The following RAPGEF5 variants were observed in gnomAD, a reference collection of about 807,000 sequenced individuals.
The protein encoded by RAPGEF5 is Rap guanine nucleotide exchange factor 5.
A neutral mutation model predicts 125.2 loss-of-function variants in RAPGEF5; 65 were observed. The ratio of observed to expected loss-of-function variants is 0.52; its 90% CI spans 0.43 to 0.64. RAPGEF5 has a LOEUF of 0.64. Ranked by LOEUF, RAPGEF5 falls within the 30% of genes least tolerant of loss-of-function variation. The pLI is 0.00. For synonymous variants in RAPGEF5, 391 were observed against 385.9 expected, an observed-to-expected ratio of 1.01 and a Z score of -0.16; for missense variants, 958 against 1,048.1, an observed-to-expected ratio of 0.91 and a Z score of 1.19.
chr7:22,354,588 C>T (rs1489446227), intron 1 of RAPGEF5, among the ~76,000 whole-genome samples: 2 of 152,102 alleles, frequency 1.3e-5, no homozygotes, highest in African/African-American at 2.4e-5. Context: ...TATGTTGAAG[C>T]CCTAACCCCA....
chr7:22,319,827 A>T (rs1234424727), intron 1 of RAPGEF5, among the ~76,000 whole-genome samples: 1 of 152,114 alleles, frequency 6.6e-6, no homozygotes, highest in African/African-American at 2.4e-5. Context: ...AGTTAAAGAA[A>T]AAGCTTTTAA....
At chr7:22,159,906 C>T (rs556160904) in intron 14 of RAPGEF5, among the ~76,000 whole-genome samples, 38 of 152,198 alleles carry the variant, frequency 2.5e-4, no homozygotes, top group African/African-American at 8.4e-4. Context: ...GTTGGGAGTT[C>T]AAGACCAGCC....
rs565996459 is a variant in RAPGEF5 at position 22,355,765 on chromosome 7, AG to A, written c.231+1064del. Among the ~76,000 whole-genome samples the A allele has an allele frequency of 8.5e-5, 13 of 152,286 alleles. No individual in the cohort carries two copies. In the East Asian group the frequency reaches 2.5e-3, roughly 29 times the overall value. ...GTTCAGACCCTTCCCTACCCAAAGG[AG>A]GGCGCATGAAAACAAGTGGTTATCC... On this transcript the variant is annotated intron_variant, in intron 1 of 25. Transcript: ENST00000665637.
chr7:22,122,619 A>G, intron 25 of RAPGEF5, 98 bp from the exon 26 acceptor site: 1 of 845,550 alleles, frequency 1.2e-6, no homozygotes, highest in East Asian at 2.6e-5. Flanking sequence ...TAAATGTACT[A>G]GGTGGGTTCT....
chr7:22,165,393 T>C (rs369387644), intron 12 of RAPGEF5, among the ~76,000 whole-genome samples: 11 of 152,228 alleles, frequency 7.2e-5, no homozygotes, highest in African/African-American at 2.7e-4. Context: ...TTTAGAAATA[T>C]GTTAGCATTA....
At chr7:22,312,846 T>C (rs1161351262) in intron 3 of RAPGEF5, among the ~76,000 whole-genome samples, 1 of 152,158 alleles carries the variant, frequency 6.6e-6, no homozygotes, top group Non-Finnish European at 1.5e-5. Flanking sequence ...GCATACAAAA[T>C]GAGGTGGTGT....
intron 7 of RAPGEF5, among the ~76,000 whole-genome samples, chr7:22,246,822 C>T (rs1786489384): frequency 6.6e-6 from 1 of 152,124 alleles, no homozygotes; most frequent in Non-Finnish European, 1.5e-5. Flanking sequence ...TATTTGCAAA[C>T]AGTGCATCTG....
In RAPGEF5 at chr7:22,198,448, A is replaced by G. The variant is rs1038185762; in HGVS notation, c.997-4415T>C. On this transcript the variant is annotated intron_variant, in intron 9 of 25. Transcript: ENST00000665637. Reference sequence around the variant, plus strand: ...ACATCAGATCAGAAGACCTGCTTTAATTCAGGGTCTTAGCTTGAGAGTAGC... The same window carrying G: ...ACATCAGATCAGAAGACCTGCTTTAGTTCAGGGTCTTAGCTTGAGAGTAGC... Among the ~76,000 whole-genome samples, 14 of 152,342 alleles carry G rather than the reference A, an allele frequency of 9.2e-5. No homozygotes were observed. In the South Asian group the frequency reaches 1.7e-3, roughly 18 times the overall value.
At chr7:22,134,968 T>A (rs1205556318) in intron 23 of RAPGEF5, among the ~76,000 whole-genome samples, 1 of 152,226 alleles carries the variant, frequency 6.6e-6, no homozygotes, top group Admixed American at 6.5e-5. Flanking sequence ...TTGCTTCATA[T>A]TTGATGAAGG....
intron 11 of RAPGEF5, among the ~76,000 whole-genome samples, chr7:22,190,438 CATT>C (rs1562751695): frequency 6.6e-6 from 1 of 152,170 alleles, no homozygotes; most frequent in East Asian, 1.9e-4. Context: ...TTAAGAAAAT[CATT>C]AGTAGGTTGC....
chr7:22,162,657 G>A (rs1285526105), intron 12 of RAPGEF5, 116 bp from the exon 13 acceptor site: 2 of 1,032,820 alleles, frequency 1.9e-6, no homozygotes, highest in Admixed American at 2.3e-5. Context: ...CATGCAGGAA[G>A]AATAGAATAT....
intron 11 of RAPGEF5, among the ~76,000 whole-genome samples, chr7:22,190,339 C>T (rs1202476524): frequency 3.3e-5 from 5 of 152,168 alleles, no homozygotes; most frequent in Admixed American, 2.6e-4. Context: ...TGGATGACTT[C>T]TTGCGCCTTT....
At chr7:22,147,497 AC>A (rs769526078) in intron 18 of RAPGEF5, among the ~76,000 whole-genome samples, 10 of 152,274 alleles carry the variant, frequency 6.6e-5, no homozygotes, top group Non-Finnish European at 1.5e-4. Context: ...ACACATTTAC[AC>A]ATTTTATTAA....
intron 9 of RAPGEF5, among the ~76,000 whole-genome samples, chr7:22,210,661 T>A (rs1785488972): frequency 6.6e-6 from 1 of 152,180 alleles, no homozygotes; most frequent in Non-Finnish European, 1.5e-5. Context: ...TCACTTTGCC[T>A]CAGTCGTGCC....
chr7:22,316,438 CACACGTGTAT>C (rs1783592987), intron 2 of RAPGEF5, among the ~76,000 whole-genome samples: 1 of 142,748 alleles, frequency 7.0e-6, no homozygotes, highest in Non-Finnish European at 1.5e-5. Context: ...TATACATATA[CACACGTGTAT>C]GTATACATAG....
intron 11 of RAPGEF5, among the ~76,000 whole-genome samples, chr7:22,183,885 A>G (rs191647624): frequency 1.3e-5 from 2 of 152,354 alleles, no homozygotes; most frequent in African/African-American, 4.8e-5. Context: ...CAAGTTTTCC[A>G]TAATTCTTAT....
chr7:22,197,892 T>TTGGGG lies in RAPGEF5; in HGVS notation c.997-3864_997-3860dup, dbSNP rs1554327427. 6.2e-4 allele frequency among the ~76,000 whole-genome samples: 11 copies of TTGGGG among 17,758 alleles called. No homozygotes were observed. In the East Asian group the frequency reaches 0.034, roughly 56 times the overall value. The allele number at this position is 17,758 out of a possible 152,430, so 11.6% of individuals were successfully genotyped here. On this transcript the variant is annotated intron_variant, in intron 9 of 25. Coordinates refer to ENST00000665637, the MANE Select transcript of RAPGEF5 (RefSeq NM_012294.5). The stretch of plus-strand genomic sequence containing the variant: ...CATTAAATCTCTTTTTTCTTTTTTT[T>TTGGGG]TGGGGGGGGGTGGTAGGAGGACATT...
chr7:22,209,323 T>A (rs1785459733), intron 9 of RAPGEF5, among the ~76,000 whole-genome samples: 1 of 152,242 alleles, frequency 6.6e-6, no homozygotes, highest in African/African-American at 2.4e-5. Context: ...AGGCTCAAGA[T>A]CTTCCTTTTA....
chr7:22,312,154 T>G (rs1783485213), intron 3 of RAPGEF5, among the ~76,000 whole-genome samples: 1 of 152,176 alleles, frequency 6.6e-6, no homozygotes, highest in Non-Finnish European at 1.5e-5. Context: ...CTGGGTGATC[T>G]TCTTAAAGTA....
Sources: gnomAD v4.1 joint callset for allele counts (sites outside exome capture counted in the v4.1 genomes callset) on GRCh38, gnomAD v4.1.1 for gene constraint, MANE v1.5 for transcripts, NCBI Gene and HGNC (gene_info 2026-07-23, HGNC 2026-07-21) for gene names.